SASH1: variants seen among roughly 807,000 people sequenced by gnomAD.
The protein encoded by SASH1 is SAM and SH3 domain-containing protein 1.
In SASH1, 44 loss-of-function variants were observed where a neutral mutation model predicts 125.2. The ratio of observed to expected loss-of-function variants is 0.35; its 90% CI spans 0.28 to 0.45. The LOEUF (loss-of-function observed/expected upper bound fraction) is 0.45, where lower values mean the gene tolerates loss of function less well. SASH1 is among the 20% of genes least tolerant of loss of function. The pLI is 1.00. For missense variants in SASH1, 1,426 were observed against 1,614.5 expected (o/e 0.88, Z 2.00); for synonymous variants, 639 against 649.1 (o/e 0.98, Z 0.24).
intron 4 of SASH1, among the ~76,000 whole-genome samples, chr6:148,445,931 A>G (rs1776750132): frequency 1.3e-5 from 2 of 152,108 alleles, no homozygotes; most frequent in Non-Finnish European, 2.9e-5. Context: ...GGCATATACT[A>G]GAACAAAAAT....
chr6:148,438,410 C>A (rs971882110), intron 2 of SASH1, among the ~76,000 whole-genome samples: 3 of 152,162 alleles, frequency 2.0e-5, no homozygotes, highest in Admixed American at 6.5e-5. Flanking sequence ...CTACCATTCA[C>A]ATTTGGAATA....
rs1302579599 is a variant in SASH1 at position 148,534,048 on chromosome 6, G to A, written c.1944+68G>A. 4.8e-6 allele frequency: 7 copies of A among 1,452,156 alleles called. No homozygotes were observed. In the South Asian group the frequency reaches 5.9e-5, roughly 12 times the overall value. 90.0% of individuals were successfully genotyped at this position (1,452,156 alleles called of 1,614,324 possible). A position where few individuals can be genotyped will look rare whatever the true frequency, so the allele number is the denominator to read the frequency against. On this transcript the variant is annotated intron_variant, in intron 15 of 19. Transcript: ENST00000367467. ...CCTTTTTCTCTCCTACACTAAGCAAGTGAGGGCATTTTTAGGGTAGGGTTG... is the reference window on the plus strand; with the variant it reads ...CCTTTTTCTCTCCTACACTAAGCAAATGAGGGCATTTTTAGGGTAGGGTTG...
intron 5 of SASH1, among the ~76,000 whole-genome samples, chr6:148,471,078 G>A (rs547847022): frequency 6.8e-4 from 103 of 151,928 alleles, no homozygotes; most frequent in African/African-American, 2.3e-3. Flanking sequence ...ACCAAAGGGG[G>A]GAAATATACT....
chr6:148,527,026 C>T (rs1781214019), intron 11 of SASH1, among the ~76,000 whole-genome samples: 1 of 152,092 alleles, frequency 6.6e-6, no homozygotes, highest in Admixed American at 6.5e-5. Context: ...ACGCCCACCA[C>T]CACGCCCAGC....
intron 1 of SASH1, among the ~76,000 whole-genome samples, chr6:148,308,417 TGGAG>T (rs1780203542): frequency 2.7e-5 from 4 of 147,854 alleles, no homozygotes; most frequent in Non-Finnish European, 3.0e-5. Context: ...TTTTTTGAGA[TGGAG>T]TTTCACTCTG....
intron 12 of SASH1, among the ~76,000 whole-genome samples, chr6:148,530,423 T>C (rs1781443839): frequency 2.0e-5 from 3 of 152,314 alleles, no homozygotes; most frequent in East Asian, 1.9e-4. Flanking sequence ...ATTCATACTT[T>C]GGAGCTTCAG....
chr6:148,412,215 C>A (rs1486207132), intron 2 of SASH1, among the ~76,000 whole-genome samples: 3 of 152,172 alleles, frequency 2.0e-5, no homozygotes, highest in African/African-American at 7.2e-5. Context: ...TTATGGTTCA[C>A]TTAAGAAATC....
intron 7 of SASH1, among the ~76,000 whole-genome samples, chr6:148,484,807 G>A (rs1778773738): frequency 6.6e-6 from 1 of 152,074 alleles, no homozygotes; most frequent in Non-Finnish European, 1.5e-5. Flanking sequence ...GCTGGATGTG[G>A]TGCCATGCCC....
chr6:148,239,067 A>G, the SASH1 span, among the ~76,000 whole-genome samples: 1 of 152,192 alleles, frequency 6.6e-6, no homozygotes, highest in Non-Finnish European at 1.5e-5. Flanking sequence ...AACTAGGGAC[A>G]TTAGAGTTAC....
intron 2 of SASH1, among the ~76,000 whole-genome samples, chr6:148,411,909 T>C (rs149301664): frequency 0.016 from 2,439 of 152,334 alleles, 25 homozygotes; most frequent in Non-Finnish European, 0.024. Flanking sequence ...GAAAATTTAT[T>C]CCCAAAAACC....
rs1782873683 is a variant in SASH1 at position 148,551,446 on chromosome 6, A to C, written c.*2888A>C. ...TCTGGAAGGAAATGCAGTCAGCTCC[A>C]GCTAGTACTATTTATGTACCCAGAT... On this transcript the variant is annotated 3_prime_UTR_variant, in exon 20 of 20. Coordinates refer to ENST00000367467, the MANE Select transcript of SASH1 (RefSeq NM_015278.5). 6.6e-6 allele frequency: 1 copy of C among 152,530 alleles called. No individual in the cohort carries two copies. The highest frequency in any genetic ancestry group is 2.4e-5 in the African/African-American group (1 of 41,460). The allele number at this position is 152,530 out of a possible 1,614,324, so 9.4% of individuals were successfully genotyped here.
At chr6:148,535,496 A>C (rs1781787020) in intron 16 of SASH1, among the ~76,000 whole-genome samples, 1 of 152,180 alleles carries the variant, frequency 6.6e-6, no homozygotes, top group South Asian at 2.1e-4. Flanking sequence ...AATAAATGAA[A>C]TTCATCAGCT....
intron 1 of SASH1, among the ~76,000 whole-genome samples, chr6:148,366,683 T>G (rs145102523): frequency 0.053 from 8,134 of 152,142 alleles, 738 homozygotes; most frequent in African/African-American, 0.19. Flanking sequence ...CTGCAACCTC[T>G]GCCTCCCAGG....
At chr6:148,302,491 A>G (rs936440726) in intron 1 of SASH1, among the ~76,000 whole-genome samples, 2 of 151,600 alleles carry the variant, frequency 1.3e-5, no homozygotes, top group South Asian at 4.2e-4. Flanking sequence ...TGTGTTAAAG[A>G]GTTAGAGCTG....
At position 148,343,230 on chromosome 6, in the gene SASH1, T is replaced by A; in HGVS notation, c.156+7T>A. ...CGACGTGATGGGTATCCTGGTAAGT[T>A]ACCTGGGGAGGGGGCGGCGCAGGAA... On this transcript the variant is annotated splice_region_variant and intron_variant, in intron 1 of 19. Coordinates refer to ENST00000367467, the MANE Select transcript of SASH1 (RefSeq NM_015278.5). 2 of 1,580,578 alleles carry A rather than the reference T, an allele frequency of 1.3e-6. No homozygotes were observed. Among genetic ancestry groups the A allele is most frequent in the South Asian group, 1.1e-5 (1 of 89,164 alleles).
At chr6:148,240,513 G>A in the SASH1 span, among the ~76,000 whole-genome samples, 1 of 152,178 alleles carries the variant, frequency 6.6e-6, no homozygotes, top group Non-Finnish European at 1.5e-5. Context: ...TATAATAACA[G>A]TGATGGAACC....
chr6:148,371,283 CTT>C (rs991334753), intron 1 of SASH1, among the ~76,000 whole-genome samples: 1 of 145,172 alleles, frequency 6.9e-6, no homozygotes. Flanking sequence ...GTTGGCTATT[CTT>C]TTTTTTTTTT....
At chr6:148,380,591 G>C (rs551307732) in intron 1 of SASH1, among the ~76,000 whole-genome samples, 110 of 152,340 alleles carry the variant, frequency 7.2e-4, no homozygotes, top group African/African-American at 2.4e-3. Context: ...AATGGAAAAT[G>C]AGTTCAGTCT....
At chr6:148,286,248 T>A (rs932289354) in intron 1 of SASH1, among the ~76,000 whole-genome samples, 1 of 151,668 alleles carries the variant, frequency 6.6e-6, no homozygotes, top group African/African-American at 2.4e-5. Flanking sequence ...TTAAAATAAT[T>A]CCATTAGCTG....
Sources: allele counts gnomAD v4.1 joint callset (sites outside exome capture counted in the v4.1 genomes callset), GRCh38; gene constraint gnomAD v4.1.1; transcripts MANE v1.5; gene names NCBI Gene and HGNC (gene_info 2026-07-23, HGNC 2026-07-21).